CD74: variants seen among roughly 807,000 people sequenced by gnomAD.
The protein encoded by CD74 is CD74 molecule.
Under a neutral mutation model 37.1 loss-of-function variants are expected in CD74, and 20 were observed. The ratio of observed to expected loss-of-function variants is 0.54; its 90% CI spans 0.38 to 0.78. CD74 has a LOEUF of 0.78. Among genes scored for constraint, CD74 ranks in the 30% least tolerant of loss-of-function variants. The pLI is 0.00. For missense variants in CD74, 338 were observed against 389.5 expected (o/e 0.87, Z 1.11); for synonymous variants, 150 against 152.0 (o/e 0.99, Z 0.10).
chr5:150,402,458 G>A lies in CD74; in HGVS notation c.880+105C>T, dbSNP rs768596724. The A allele has an allele frequency of 4.6e-5, 48 of 1,049,128 alleles. No individual in the cohort carries two copies. In the East Asian group the frequency reaches 1.1e-3, roughly 24 times the overall value. The allele number at this position is 1,049,128 out of a possible 1,614,324, so 65.0% of individuals were successfully genotyped here. On this transcript the variant is annotated intron_variant, in intron 8 of 8. Coordinates refer to ENST00000009530, the MANE Select transcript of CD74 (RefSeq NM_001025159.3). This position sits in a 1 kb window ranked among gnomAD's most constrained non-coding sequence, Gnocchi z 4.2. ...TCTGTGAAATGGACATCCCAGGAAT[G>A]TTGGAGAGTGGCCCAGCGTCACACT... is the stretch of plus-strand genomic sequence containing the variant.
rs1769684113 is a variant in CD74 at position 150,402,384 on chromosome 5, C to G, written c.881-134G>C. The G allele has an allele frequency of 2.3e-6, 2 of 877,762 alleles. No homozygotes were observed. Among genetic ancestry groups the G allele is most frequent in the African/African-American group, 3.3e-5 (2 of 60,980 alleles). 54.4% of individuals were successfully genotyped at this position (877,762 alleles called of 1,614,324 possible). The stretch of plus-strand genomic sequence containing the variant: ...CCCCCTGCTCAGGTCCAATAATGAC[C>G]ATCATGGATTTGTGTAACTCCCCAC... On this transcript the variant is annotated intron_variant, in intron 8 of 8. Transcript: ENST00000009530. This position sits in a 1 kb window ranked among gnomAD's most constrained non-coding sequence, Gnocchi z 4.2.
intron 1 of CD74, among the ~76,000 whole-genome samples, chr5:150,412,404 T>G (rs577170818): frequency 6.6e-6 from 1 of 152,310 alleles, no homozygotes; most frequent in African/African-American, 2.4e-5. Flanking sequence ...GCAAGGAAAG[T>G]TACAAACTCC....
At chr5:150,406,168 G>T (rs1205770805) in intron 4 of CD74, 91 bp downstream of exon 4, 4 of 899,008 alleles carry the variant, frequency 4.4e-6, no homozygotes, top group Non-Finnish European at 5.6e-6. Context: ...TTGAAAGTCT[G>T]CCATGAGCCA....
In CD74 at chr5:150,406,189, C is replaced by T. The variant is rs530287377; in HGVS notation, c.441+70G>A. On this transcript the variant is annotated intron_variant, in intron 4 of 8. Transcript: ENST00000009530. ...GTCTGCCATGAGCCAGGTATACAGG[C>T]CTTGGAGCTTGGCCCGGCCAGGGTC... is the stretch of plus-strand genomic sequence containing the variant. 4 of 1,125,986 alleles carry T rather than the reference C, an allele frequency of 3.6e-6. No individual in the cohort carries two copies. In the African/African-American group the frequency reaches 4.6e-5, roughly 13 times the overall value. 69.7% of individuals were successfully genotyped at this position (1,125,986 alleles called of 1,614,324 possible).
chr5:150,410,140 G>C (rs1240018047), intron 1 of CD74, among the ~76,000 whole-genome samples: 1 of 152,100 alleles, frequency 6.6e-6, no homozygotes, highest in Non-Finnish European at 1.5e-5. Context: ...CCTTCTCAAG[G>C]AACACGGGTG....
At chr5:150,408,442 G>A (rs1378245249) in intron 1 of CD74, among the ~76,000 whole-genome samples, 2 of 152,198 alleles carry the variant, frequency 1.3e-5, no homozygotes, top group Non-Finnish European at 2.9e-5. Flanking sequence ...CCCCACCTCT[G>A]CGATTCTAGA....
In CD74 at chr5:150,403,328, T is replaced by C. The variant is rs1226330943; in HGVS notation, c.626-16A>G. The C allele has an allele frequency of 6.2e-7, 1 of 1,611,984 alleles. No homozygotes were observed. The highest frequency in any genetic ancestry group is 8.5e-7 in the Non-Finnish European group (1 of 1,178,106). On this transcript the variant is annotated splice_polypyrimidine_tract_variant and intron_variant, in intron 6 of 8. Coordinates refer to ENST00000009530, the MANE Select transcript of CD74 (RefSeq NM_001025159.3). This position sits in a 1 kb window ranked among gnomAD's most constrained non-coding sequence, Gnocchi z 4.5. Reference sequence around the variant, plus strand: ...TTGGTCAGTACTGAAGCGACAGGCATGATGAGGACACAGTGAGTGAGTGAG... The same window carrying C: ...TTGGTCAGTACTGAAGCGACAGGCACGATGAGGACACAGTGAGTGAGTGAG...
At position 150,403,812 on chromosome 5, in the gene CD74, T is replaced by G. The variant is rs1769786867; in HGVS notation, c.626-500A>C. ...AGGCTGAGGTTGCAGTGAGCTGAGA[T>G]CGCACCACTGCACTCCAGCCTGGGC... On this transcript the variant is annotated intron_variant, in intron 6 of 8. Transcript: ENST00000009530. This position sits in a 1 kb window ranked among gnomAD's most constrained non-coding sequence, Gnocchi z 4.5. Among the ~76,000 whole-genome samples, 1 of 152,170 alleles carries G rather than the reference T, an allele frequency of 6.6e-6. No homozygotes were observed. Among genetic ancestry groups the G allele is most frequent in the Non-Finnish European group, 1.5e-5 (1 of 68,014 alleles).
intron 5 of CD74, 109 bp from the exon 6 acceptor site, chr5:150,404,876 C>T (rs1561551637): frequency 1.1e-5 from 9 of 851,726 alleles, no homozygotes; most frequent in Non-Finnish European, 1.7e-5. Flanking sequence ...AGGGCCCCAA[C>T]ACCCGGGTCC....
chr5:150,406,658 C>T (rs919473415), intron 3 of CD74: 5 of 586,226 alleles, frequency 8.5e-6, no homozygotes, highest in African/African-American at 5.6e-5. Flanking sequence ...ACTTTGTAAA[C>T]TGTAGAGGGC....
chr5:150,412,386 G>A (rs111613544), intron 1 of CD74, among the ~76,000 whole-genome samples: 54 of 152,284 alleles, frequency 3.5e-4, no homozygotes, highest in African/African-American at 1.2e-3. Context: ...AGAAGGAGGC[G>A]GTGTGATGCA....
chr5:150,406,749 C>T (rs1453599963), intron 3 of CD74, 132 bp downstream of exon 3: 2 of 624,720 alleles, frequency 3.2e-6, no homozygotes, highest in Non-Finnish European at 5.6e-6. Flanking sequence ...CTTCCTGAGG[C>T]AGGCACTGTC....
At position 150,402,316 on chromosome 5, in the gene CD74, T is replaced by C. The variant is rs2151166213; in HGVS notation, c.881-66A>G. The C allele has an allele frequency of 8.1e-7, 1 of 1,233,920 alleles. No individual in the cohort carries two copies. The highest frequency in any genetic ancestry group is 2.4e-5 in the East Asian group (1 of 41,708). The allele number at this position is 1,233,920 out of a possible 1,614,324, so 76.4% of individuals were successfully genotyped here. On this transcript the variant is annotated intron_variant, in intron 8 of 8. Transcript: ENST00000009530. The surrounding 1 kb of genome is among the most constrained non-coding windows in gnomAD (Gnocchi z 4.2). Reference sequence around the variant, plus strand: ...TTGTTGTCCCTGCCCCTTTCTAACATCCTGGACCTGCAGAGCAGTTAAGGA... The same window carrying C: ...TTGTTGTCCCTGCCCCTTTCTAACACCCTGGACCTGCAGAGCAGTTAAGGA...
rs1449787610 is a variant in CD74 at position 150,412,819 on chromosome 5, G to T, written c.-70C>A. 20 of 1,599,520 alleles carry T rather than the reference G, an allele frequency of 1.3e-5. No individual in the cohort carries two copies. The highest frequency in any genetic ancestry group is 1.5e-5 in the Non-Finnish European group (18 of 1,172,946). ...AGAGGAATCTGATTCGTCCACAGAA[G>T]GCCACTCCGCCCACTTGGTAGATGT... On this transcript the variant is annotated 5_prime_UTR_variant, in exon 1 of 9. Coordinates refer to ENST00000009530, the MANE Select transcript of CD74 (RefSeq NM_001025159.3).
At chr5:150,409,827 G>A (rs565467354) in intron 1 of CD74, among the ~76,000 whole-genome samples, 1 of 151,176 alleles carries the variant, frequency 6.6e-6, no homozygotes, top group Non-Finnish European at 1.5e-5. Context: ...TGTTAAAGCG[G>A]CACAAAACGG....
At chr5:150,409,717 A>C (rs1770222604) in intron 1 of CD74, among the ~76,000 whole-genome samples, 1 of 150,550 alleles carries the variant, frequency 6.6e-6, no homozygotes, top group African/African-American at 2.4e-5. Context: ...AAAAAAAAAA[A>C]AAAAACAAGA....
chr5:150,412,417 C>T (rs1770397580), intron 1 of CD74, among the ~76,000 whole-genome samples: 1 of 152,220 alleles, frequency 6.6e-6, no homozygotes, highest in African/African-American at 2.4e-5. Flanking sequence ...CAAACTCCTG[C>T]TCTTAAAGGA....
rs184553771 is a variant in CD74 at position 150,407,945 on chromosome 5, C to T, written c.126-621G>A. On this transcript the variant is annotated intron_variant, in intron 1 of 8. Transcript: ENST00000009530. The surrounding 1 kb of genome is among the most constrained non-coding windows in gnomAD (Gnocchi z 4.4). The stretch of plus-strand genomic sequence containing the variant: ...AATTATTTTGTATTTTTGATAGAGA[C>T]GGGGTTTCACCGTGGTCTCGATCTC... 5.2e-4 allele frequency among the ~76,000 whole-genome samples: 79 copies of T among 152,104 alleles called. No individual in the cohort carries two copies. The highest frequency in any genetic ancestry group is 9.3e-4 in the Non-Finnish European group (63 of 67,982).
At chr5:150,406,729 G>A (rs543311917) in intron 3 of CD74, 152 bp downstream of exon 3, 227 of 597,440 alleles carry the variant, frequency 3.8e-4, no homozygotes, top group Non-Finnish European at 6.3e-4. Flanking sequence ...CACACCTGGG[G>A]AGCCCGATTC....
Sources: gnomAD v4.1 joint callset for allele counts (sites outside exome capture counted in the v4.1 genomes callset) on GRCh38, gnomAD v4.1.1 for gene constraint, Gnocchi (gnomAD v3.1) non-coding constraint, MANE v1.5 for transcripts, NCBI Gene and HGNC (gene_info 2026-07-23, HGNC 2026-07-21) for gene names.